The following NAAA variants were observed in gnomAD, a reference collection of about 807,000 sequenced individuals.
NAAA encodes N-acylethanolamine-hydrolyzing acid amidase.
Under a neutral mutation model 44.8 loss-of-function variants are expected in NAAA, and 39 were observed. The observed-to-expected ratio is 0.87, with a 90% CI of 0.67 to 1.14. The LOEUF (loss-of-function observed/expected upper bound fraction) is 1.14. NAAA is among the 50% of genes most tolerant of loss of function. The pLI, the probability that NAAA is intolerant of heterozygous loss-of-function variation, is 0.00. For synonymous variants in NAAA, 178 were observed against 191.3 expected (o/e 0.93, Z 0.58); for missense variants, 460 against 467.8 (o/e 0.98, Z 0.15).
chr4:75,910,709 A>G (rs1301571468), downstream of NAAA, among the ~76,000 whole-genome samples: 1 of 152,248 alleles, frequency 6.6e-6, no homozygotes, highest in Non-Finnish European at 1.5e-5. Context: ...CAAAAGACAC[A>G]AACTTGAAAT....
rs1727703428 is a variant in NAAA, at chr4:75,936,208, G to C, written c.399C>G (p.Asp133Glu). ...GACCATGGTAAATGTGGCCTCTGGA[G>C]TCTTGAGCCACAATACTGGTGCAGA... ...SVFCTSIVAQ[D>E]SRGHIYHGRN... is the part of the protein sequence containing the mutation. The change falls in exon 3 of 11, where the codon GAC (aspartate) becomes GAG (glutamate). Residue 133 changes from aspartate to glutamate, a missense_variant. Coordinates refer to ENST00000286733, the MANE Select transcript of NAAA (RefSeq NM_014435.4). 9.3e-6 allele frequency: 15 copies of C among 1,613,860 alleles called. No individual in the cohort carries two copies. Among genetic ancestry groups the C allele is most frequent in the Non-Finnish European group, 1.3e-5 (15 of 1,179,866 alleles).
chr4:75,922,421 C>T (rs1726259211), intron 5 of NAAA, among the ~76,000 whole-genome samples: 2 of 151,676 alleles, frequency 1.3e-5, no homozygotes, highest in Admixed American at 1.3e-4. Flanking sequence ...ACTTGTTTGA[C>T]TGTAGGTCAT....
intron 4 of NAAA, among the ~76,000 whole-genome samples, chr4:75,926,107 A>T (rs1333434713): frequency 6.6e-6 from 1 of 152,158 alleles, no homozygotes; most frequent in Non-Finnish European, 1.5e-5. Flanking sequence ...AAAAATACAA[A>T]TTTGCAATCA....
chr4:75,935,489 G>C (rs1420060891), intron 3 of NAAA: 4 of 152,300 alleles, frequency 2.6e-5, no homozygotes, highest in Non-Finnish European at 5.9e-5. Context: ...AAAGATCTAA[G>C]TATAATTTTT....
intron 7 of NAAA, 79 bp downstream of exon 7, chr4:75,920,659 G>C: frequency 6.4e-7 from 1 of 1,554,334 alleles, no homozygotes; most frequent in African/African-American, 1.4e-5. Context: ...CATAGGTCTT[G>C]CCAGTTCCTG....
Position 75,940,820 on chromosome 4 carries a change from G to GGACCGAGTCCA in NAAA, c.119_129dup (p.Pro44TrpfsTer40), listed in dbSNP as rs1190987783. The GGACCGAGTCCA allele has an allele frequency of 1.3e-6, 2 of 1,597,610 alleles. No individual in the cohort carries two copies. Among genetic ancestry groups the GGACCGAGTCCA allele is most frequent in the Non-Finnish European group, 1.7e-6 (2 of 1,178,594 alleles). Reference sequence around the variant, plus strand: ...AGCACGGGCAGCCAGCGCAGCTCGGGGACCGAGTCCAGGCTCACGTTGAAG... The same window carrying GGACCGAGTCCA: ...AGCACGGGCAGCCAGCGCAGCTCGGGGACCGAGTCCAGACCGAGTCCAGGCTCACGTTGAAG... On this transcript the variant is annotated frameshift_variant, in exon 1 of 11. Coordinates refer to ENST00000286733, the MANE Select transcript of NAAA (RefSeq NM_014435.4). LOFTEE classifies it high-confidence loss of function.
chr4:75,926,664 G>A (rs1212044906), intron 4 of NAAA, among the ~76,000 whole-genome samples: 1 of 151,448 alleles, frequency 6.6e-6, no homozygotes, highest in East Asian at 1.9e-4. Context: ...AGAGTATTCA[G>A]AGAACTCCTA....
intron 4 of NAAA, among the ~76,000 whole-genome samples, chr4:75,926,637 A>G (rs1394418923): frequency 6.6e-6 from 1 of 151,956 alleles, no homozygotes; most frequent in African/African-American, 2.4e-5. Context: ...ATTTGCATTA[A>G]TAAGAGATTA....
chr4:75,935,837 A>G (rs67210456), intron 3 of NAAA: 48,501 of 526,816 alleles, frequency 0.092, 3,113 homozygotes, highest in African/African-American at 0.24. Flanking sequence ...CTGACTCTGC[A>G]TAAGTGGATG....
intron 4 of NAAA, 85 bp from the exon 5 acceptor site, chr4:75,925,896 TAG>T (rs2149262740): frequency 7.8e-7 from 1 of 1,287,942 alleles, no homozygotes; most frequent in Admixed American, 1.8e-5. Context: ...CAAGGAAATA[TAG>T]AGAGATATTC....
intron 4 of NAAA, among the ~76,000 whole-genome samples, chr4:75,928,678 GCAA>G (rs1389683980): frequency 1.3e-5 from 2 of 152,180 alleles, no homozygotes; most frequent in African/African-American, 4.8e-5. Flanking sequence ...GCCTGGAGAT[GCAA>G]CAACAACAAA....
chr4:75,921,872 C>T (rs947029017), intron 5 of NAAA, among the ~76,000 whole-genome samples: 13 of 152,172 alleles, frequency 8.5e-5, no homozygotes, highest in East Asian at 1.9e-4. Context: ...ACCCCGAGGG[C>T]GCATGATGAC....
At chr4:75,938,765 C>CTATT (rs1316226859) in intron 2 of NAAA, among the ~76,000 whole-genome samples, 1 of 152,230 alleles carries the variant, frequency 6.6e-6, no homozygotes, top group African/African-American at 2.4e-5. Flanking sequence ...ATTCCAGGGC[C>CTATT]TATTACTGAG....
At chr4:75,925,904 T>G in intron 4 of NAAA, 93 bp from the exon 5 acceptor site, 4 of 1,216,684 alleles carry the variant, frequency 3.3e-6, no homozygotes, top group Non-Finnish European at 4.8e-6. Flanking sequence ...TATAGAGAGA[T>G]ATTCACTCAA....
chr4:75,932,065 A>T (rs536382394), intron 3 of NAAA, among the ~76,000 whole-genome samples: 5 of 152,178 alleles, frequency 3.3e-5, no homozygotes, highest in Admixed American at 3.3e-4. Flanking sequence ...CCTGGATTCT[A>T]CTAAAAATAC....
chr4:75,916,228 T>C (rs140663504), intron 9 of NAAA, among the ~76,000 whole-genome samples: 251 of 152,288 alleles, frequency 1.6e-3, no homozygotes, highest in Non-Finnish European at 3.1e-3. Context: ...ACTTTTTTGT[T>C]GTTTCTTTTT....
rs2149247493 is a variant in NAAA, at chr4:75,918,849, A to C, written c.970-60T>G. On this transcript the variant is annotated intron_variant, in intron 8 of 10. Coordinates refer to ENST00000286733, the MANE Select transcript of NAAA (RefSeq NM_014435.4). ...ACATGGTAGAAGAAATACACATAGA[A>C]TATCTATGGAGGGCCGGGTGCAGTG... 14 of 1,500,452 alleles carry C rather than the reference A, an allele frequency of 9.3e-6. No homozygotes were observed. In the South Asian group the frequency reaches 1.5e-4, roughly 16 times the overall value. The allele number at this position is 1,500,452 out of a possible 1,614,324, so 92.9% of individuals were successfully genotyped here. A position where few individuals can be genotyped will look rare whatever the true frequency, so the allele number is the denominator to read the frequency against.
chr4:75,915,717 G>T (rs1375772822), intron 9 of NAAA, among the ~76,000 whole-genome samples: 1 of 152,114 alleles, frequency 6.6e-6, no homozygotes, highest in African/African-American at 2.4e-5. Flanking sequence ...ATCACAACTA[G>T]AGGAATTCCA....
chr4:75,917,133 A>G (rs1338927042), intron 9 of NAAA: 1 of 938,694 alleles, frequency 1.1e-6, no homozygotes, highest in African/African-American at 1.8e-5. Context: ...ACACAAAAGT[A>G]GTTTATTAAC....
Sources: gnomAD v4.1 joint callset for allele counts (sites outside exome capture counted in the v4.1 genomes callset) on GRCh38, gnomAD v4.1.1 for gene constraint, MANE v1.5 for transcripts, NCBI Gene and HGNC (gene_info 2026-07-23, HGNC 2026-07-21) for gene names.